Variants in BMP2K observed in about 807,000 individuals in gnomAD.
BMP2K encodes BMP2 inducible kinase.
Under a neutral mutation model 116.0 loss-of-function variants are expected in BMP2K, and 74 were observed. The observed-to-expected ratio is 0.64, with a 90% CI of 0.53 to 0.77. The LOEUF (loss-of-function observed/expected upper bound fraction) is 0.77. Ranked by LOEUF, BMP2K falls within the 30% of genes least tolerant of loss-of-function variation. The pLI is 0.00. For missense variants in BMP2K, 1,365 were observed against 1,403.6 expected, an observed-to-expected ratio of 0.97 and a Z score of 0.44; for synonymous variants, 486 against 502.5, an observed-to-expected ratio of 0.97 and a Z score of 0.44.
At chr4:78,778,977 G>A (rs909790211) in intron 1 of BMP2K, among the ~76,000 whole-genome samples, 3 of 152,310 alleles carry the variant, frequency 2.0e-5, no homozygotes, top group Middle Eastern at 3.4e-3. Context: ...GAGCCAGGAA[G>A]ACTCAGTAGA....
chr4:78,786,913 C>G (rs1553912126), intron 1 of BMP2K, among the ~76,000 whole-genome samples: 1 of 151,928 alleles, frequency 6.6e-6, no homozygotes, highest in Non-Finnish European at 1.5e-5. Flanking sequence ...TTTTTTCCCT[C>G]TCATTATTTT....
chr4:78,887,196 C>G lies in BMP2K; in HGVS notation c.1974C>G (p.Ser658=). ...CAGATAGGCTCGAGGAGAGAGCATC[C>G]TCAGATAAGAATGTAGACTCACTTT... The part of the protein sequence containing the change: ...LRSNRLEERA[S]SDKNVDSLSA... Residue 658 remains serine (S), a synonymous_variant, in exon 15 of 16, where the codon TCC becomes TCG. Transcript: ENST00000502613. The G allele has an allele frequency of 6.2e-7, 1 of 1,609,720 alleles. No individual in the cohort carries two copies. Among genetic ancestry groups the G allele is most frequent in the Non-Finnish European group, 8.5e-7 (1 of 1,177,914 alleles).
rs528282679 is a variant in BMP2K, at chr4:78,913,681, C to G, written c.*1648C>G. 1 of 152,122 alleles carries G rather than the reference C, an allele frequency of 6.6e-6. No individual in the cohort carries two copies. Among genetic ancestry groups the G allele is most frequent in the Admixed American group, 6.6e-5 (1 of 15,266 alleles). 9.4% of individuals were successfully genotyped at this position (152,122 alleles called of 1,614,324 possible). A position where few individuals can be genotyped will look rare whatever the true frequency, so the allele number is the denominator to read the frequency against. Reference sequence around the variant, plus strand: ...AAGCTATTTGCCTATTTTCACAGTTCTGAACTTGGAAAGAAGCAAAGTATA... The same window carrying G: ...AAGCTATTTGCCTATTTTCACAGTTGTGAACTTGGAAAGAAGCAAAGTATA... On this transcript the variant is annotated 3_prime_UTR_variant, in exon 16 of 16. Coordinates refer to ENST00000502613, the MANE Select transcript of BMP2K (RefSeq NM_198892.2).
At chr4:78,815,719 CAT>C (rs771512949) in intron 1 of BMP2K, among the ~76,000 whole-genome samples, 6 of 151,980 alleles carry the variant, frequency 3.9e-5, no homozygotes, top group African/African-American at 9.7e-5. Flanking sequence ...ATTTTTACAA[CAT>C]GTGGGTAATT....
intron 13 of BMP2K, among the ~76,000 whole-genome samples, chr4:78,875,779 A>G (rs375896354): frequency 6.6e-6 from 1 of 152,232 alleles, no homozygotes; most frequent in African/African-American, 2.4e-5. Flanking sequence ...CCCCTGCCAC[A>G]TGGATTTCTT....
rs1434329987 is a variant in BMP2K at position 78,913,543 on chromosome 4, CTCA to C, written c.*1514_*1516del. On this transcript the variant is annotated 3_prime_UTR_variant, in exon 16 of 16. Transcript: ENST00000502613. ...TGCTATTTACAGAAAGGAGTAGAAACTCATCAACTGGCACTCTCTTTGATTTTT... is the reference window on the plus strand; with the variant it reads ...TGCTATTTACAGAAAGGAGTAGAAACTCAACTGGCACTCTCTTTGATTTTT... 4.6e-5 allele frequency: 7 copies of C among 152,132 alleles called. No individual in the cohort carries two copies. Among genetic ancestry groups the C allele is most frequent in the Non-Finnish European group, 8.8e-5 (6 of 68,002 alleles). 9.4% of individuals were successfully genotyped at this position (152,132 alleles called of 1,614,324 possible).
intron 3 of BMP2K, among the ~76,000 whole-genome samples, chr4:78,837,595 A>G (rs537793084): frequency 6.6e-6 from 1 of 152,252 alleles, no homozygotes; most frequent in South Asian, 2.1e-4. Context: ...TTTTAGCTGC[A>G]AATCTTTTGT....
chr4:78,862,400 T>C (rs1731841041), intron 9 of BMP2K, among the ~76,000 whole-genome samples: 1 of 151,984 alleles, frequency 6.6e-6, no homozygotes, highest in Non-Finnish European at 1.5e-5. Flanking sequence ...GGATGGGAGT[T>C]GCTGCACTCT....
intron 5 of BMP2K, among the ~76,000 whole-genome samples, chr4:78,845,788 C>G (rs184045453): frequency 1.3e-5 from 2 of 151,670 alleles, no homozygotes; most frequent in East Asian, 3.9e-4. Flanking sequence ...TTCTCTATTG[C>G]CTAATACTAT....
In BMP2K at chr4:78,910,868, A is replaced by T; in HGVS notation, c.2321A>T (p.Asp774Val). The T allele has an allele frequency of 6.2e-7, 1 of 1,613,990 alleles. No homozygotes were observed. The highest frequency in any genetic ancestry group is 2.2e-5 in the East Asian group (1 of 44,880). ...CAGGGGGAACAAGGAGATTTTAATG[A>T]TGATGATACTGAACCAGAAAATCTG... ...VLQGEQGDFN[D>V]DDTEPENLGH... The change falls in exon 16 of 16, where the codon GAT (aspartate) becomes GTT (valine). Residue 774 changes from aspartate (D) to valine (V), a missense_variant. Physicochemically the swap from Asp to Val is radical, Grantham distance 152 (BLOSUM62 -3). Transcript: ENST00000502613.
rs34288286 is a variant in BMP2K at position 78,786,405 on chromosome 4, ATGTGTGTGTGTGTGTGTGTGTG to A, written c.178+9710_178+9731del. Among the ~76,000 whole-genome samples, 408 of 134,384 alleles carry A rather than the reference ATGTGTGTGTGTGTGTGTGTGTG, an allele frequency of 3.0e-3. 4 individuals carry two copies. Among genetic ancestry groups the A allele is most frequent in the South Asian group, 0.011 (44 of 3,844 alleles). The allele number at this position is 134,384 out of a possible 152,430, so 88.2% of individuals were successfully genotyped here. On this transcript the variant is annotated intron_variant, in intron 1 of 15. Transcript: ENST00000502613. ...AATTCTGTTGCTTATAAGCCACCCA[ATGTGTGTGTGTGTGTGTGTGTG>A]TGTGTGTGTGTGTGTGTGTGTGTGT... is the stretch of plus-strand genomic sequence containing the variant.
At chr4:78,788,132 A>G (rs946139546) in intron 1 of BMP2K, among the ~76,000 whole-genome samples, 3 of 151,066 alleles carry the variant, frequency 2.0e-5, no homozygotes, top group African/African-American at 4.9e-5. Context: ...CCATTTTTTC[A>G]TTCTCTTGCC....
At chr4:78,886,645 G>A (rs974350254) in intron 14 of BMP2K, among the ~76,000 whole-genome samples, 1 of 151,964 alleles carries the variant, frequency 6.6e-6, no homozygotes, top group East Asian at 1.9e-4. Context: ...GTGTACGTGG[G>A]GGCATGTGTG....
chr4:78,827,823 C>T (rs749978291), intron 2 of BMP2K, among the ~76,000 whole-genome samples: 10 of 152,134 alleles, frequency 6.6e-5, no homozygotes, highest in Non-Finnish European at 1.0e-4. Context: ...CTTGCTGATA[C>T]GTTTTTACTT....
intron 14 of BMP2K, chr4:78,879,320 T>C (rs569210841): frequency 4.0e-6 from 4 of 993,468 alleles, no homozygotes; most frequent in Admixed American, 1.2e-4. Context: ...AAAGAAAACA[T>C]GGGCTACTAC....
chr4:78,913,899 CCTT>C lies in BMP2K; in HGVS notation c.*1867_*1869del, dbSNP rs925431328. ...CGTGCCAAAGGCAAATATGTTTGCA[CCTT>C]TTTTTTTTTTTCTGATTCTCAGGTT... On this transcript the variant is annotated 3_prime_UTR_variant, in exon 16 of 16. Coordinates refer to ENST00000502613, the MANE Select transcript of BMP2K (RefSeq NM_198892.2). 6.6e-6 allele frequency: 1 copy of C among 150,732 alleles called. No individual in the cohort carries two copies. The highest frequency in any genetic ancestry group is 2.4e-5 in the African/African-American group (1 of 41,040). 9.3% of individuals were successfully genotyped at this position (150,732 alleles called of 1,614,324 possible).
In BMP2K at chr4:78,911,716, A is replaced by T. The variant is rs116710382; in HGVS notation, c.3169A>T (p.Asn1057Tyr). 8.2e-3 allele frequency: 13,166 copies of T among 1,613,812 alleles called. 95 individuals carry two copies. The highest frequency in any genetic ancestry group is 9.7e-3 in the Non-Finnish European group (11,474 of 1,179,854). Residue 1057 changes from asparagine to tyrosine, a missense_variant, in exon 16 of 16, where the codon AAT (asparagine) becomes TAT (tyrosine). Asn to Tyr is a moderately radical substitution (Grantham distance 143, BLOSUM62 -2). This residue lies in a region of BMP2K where 596 missense variants were observed against 623.2 expected (regional missense o/e 0.96). Coordinates refer to ENST00000502613, the MANE Select transcript of BMP2K (RefSeq NM_198892.2). ...ACTGACTGATGGGAAAGATAGGGGG[A>T]ATGTCTTACAACCTGAGGAGAGCCT... ...VALTDGKDRG[N>Y]VLQPEESLLD... is the part of the protein sequence containing the mutation.
chr4:78,883,193 T>C (rs747652831), intron 14 of BMP2K, among the ~76,000 whole-genome samples: 2 of 152,100 alleles, frequency 1.3e-5, no homozygotes, highest in African/African-American at 2.4e-5. Context: ...GTTTCTCATA[T>C]TGGATAATCA....
chr4:78,847,348 C>T, intron 6 of BMP2K, 79 bp downstream of exon 6: 1 of 1,012,214 alleles, frequency 9.9e-7, no homozygotes, highest in Non-Finnish European at 1.4e-6. Context: ...TACTCTGCTC[C>T]CCAAAAGGCA....
Sources: allele counts gnomAD v4.1 joint callset (sites outside exome capture counted in the v4.1 genomes callset), GRCh38; gene constraint gnomAD v4.1.1; regional missense constraint gnomAD v4.1.1; transcripts MANE v1.5; gene names NCBI Gene and HGNC (gene_info 2026-07-23, HGNC 2026-07-21).